OSBPL1A: variants seen among roughly 807,000 people sequenced by gnomAD.
The protein encoded by OSBPL1A is oxysterol binding protein like 1A.
OSBPL1A carries 80 observed loss-of-function variants against 137.1 expected under a neutral mutation model. That is an observed-to-expected ratio of 0.58 (90% CI 0.49 to 0.70). The LOEUF (loss-of-function observed/expected upper bound fraction) is 0.70, where lower values mean the gene tolerates loss of function less well. OSBPL1A is among the 30% of genes least tolerant of loss of function. The pLI, the probability that OSBPL1A is intolerant of heterozygous loss-of-function variation, is 0.00. For synonymous variants in OSBPL1A, 365 were observed against 389.7 expected, an observed-to-expected ratio of 0.94 and a Z score of 0.75; for missense variants, 970 against 1,129.4, an observed-to-expected ratio of 0.86 and a Z score of 2.02.
chr18:24,172,122 G>A (rs1288639075), intron 22 of OSBPL1A, among the ~76,000 whole-genome samples: 1 of 151,994 alleles, frequency 6.6e-6, no homozygotes, highest in Admixed American at 6.6e-5. Context: ...TGTATTTTTA[G>A]TAGAGACGGG....
chr18:24,284,511 A>G (rs2090030490), intron 14 of OSBPL1A, among the ~76,000 whole-genome samples: 1 of 152,220 alleles, frequency 6.6e-6, no homozygotes, highest in Non-Finnish European at 1.5e-5. Context: ...GTCATTTTTC[A>G]TGATTACGCT....
chr18:24,311,242 TGCC>T (rs1478164515), intron 13 of OSBPL1A, among the ~76,000 whole-genome samples: 1 of 152,220 alleles, frequency 6.6e-6, no homozygotes, highest in Non-Finnish European at 1.5e-5. Flanking sequence ...ATTCAAATCT[TGCC>T]GCCAACTCAT....
intron 4 of OSBPL1A, chr18:24,357,761 G>A (rs933256952): frequency 4.6e-5 from 7 of 152,174 alleles, no homozygotes; most frequent in African/African-American, 1.7e-4. Flanking sequence ...TAAAACTTAG[G>A]AAGAATTCAG....
chr18:24,171,353 C>T (rs866852016), intron 23 of OSBPL1A, 56 bp downstream of exon 23: 21 of 1,350,722 alleles, frequency 1.6e-5, no homozygotes, highest in Admixed American at 3.7e-5. Context: ...TTAATACCGA[C>T]ATTTTATCTA....
At chr18:24,246,067 G>A (rs896538498) in intron 15 of OSBPL1A, among the ~76,000 whole-genome samples, 1 of 151,656 alleles carries the variant, frequency 6.6e-6, no homozygotes, top group Non-Finnish European at 1.5e-5. Context: ...CAAAAATTAG[G>A]CAGGCGTGGT....
intron 15 of OSBPL1A, among the ~76,000 whole-genome samples, chr18:24,264,707 T>G (rs1483078564): frequency 1.3e-5 from 2 of 152,244 alleles, no homozygotes; most frequent in Non-Finnish European, 2.9e-5. Context: ...AAATGTGGCA[T>G]CCTTTGGTCA....
At position 24,167,427 on chromosome 18, in the gene OSBPL1A, A is replaced by T. The variant is rs150020920; in HGVS notation, c.2437T>A (p.Leu813Met). 8.4e-5 allele frequency: 135 copies of T among 1,614,032 alleles called. 1 individual carries two copies. The highest frequency in any genetic ancestry group is 1.1e-4 in the Non-Finnish European group (127 of 1,180,028). Residue 813 changes from leucine to methionine, a missense_variant, in exon 25 of 28, where the codon TTG becomes ATG. By Grantham distance (15) the Leu-to-Met change is conservative. Transcript: ENST00000319481. ...NSKQMSTSEE[L>M]DEMPVPDSES... Reference sequence around the variant, plus strand: ...GAATCCGGCACTGGCATTTCATCCAACTCCTCAGAGGTGCTCATCTAGAAA... The same window carrying T: ...GAATCCGGCACTGGCATTTCATCCATCTCCTCAGAGGTGCTCATCTAGAAA...
chr18:24,267,761 T>C (rs1034852610), intron 15 of OSBPL1A, among the ~76,000 whole-genome samples: 5 of 151,722 alleles, frequency 3.3e-5, no homozygotes, highest in African/African-American at 1.2e-4. Flanking sequence ...CAACAATATA[T>C]GAAAGGAAAC....
intron 4 of OSBPL1A, among the ~76,000 whole-genome samples, chr18:24,361,894 G>C (rs1404555048): frequency 6.6e-6 from 1 of 151,720 alleles, no homozygotes; most frequent in Non-Finnish European, 1.5e-5. Flanking sequence ...CTACTCAGGA[G>C]GCTGAGGCAG....
intron 14 of OSBPL1A, among the ~76,000 whole-genome samples, chr18:24,285,118 C>T (rs150412603): frequency 3.7e-4 from 56 of 152,290 alleles, no homozygotes; most frequent in African/African-American, 1.3e-3. Context: ...TGCTCCTGGA[C>T]TCCAACAGCG....
At chr18:24,336,490 T>C (rs1418194504) in intron 5 of OSBPL1A, among the ~76,000 whole-genome samples, 2 of 152,208 alleles carry the variant, frequency 1.3e-5, no homozygotes, top group African/African-American at 2.4e-5. Flanking sequence ...GCAATGTTGA[T>C]ATGGATGCTG....
intron 19 of OSBPL1A, among the ~76,000 whole-genome samples, chr18:24,180,486 T>TGTAC (rs2086575551): frequency 6.6e-6 from 1 of 151,840 alleles, no homozygotes; most frequent in South Asian, 2.1e-4. Flanking sequence ...TGTGTGTGTA[T>TGTAC]GTGTTAACTT....
intron 1 of OSBPL1A, among the ~76,000 whole-genome samples, chr18:24,385,448 G>A (rs538503658): frequency 3.9e-5 from 6 of 152,178 alleles, no homozygotes; most frequent in African/African-American, 1.2e-4. Context: ...CATATAAGTG[G>A]TCATTAAAAT....
chr18:24,328,919 A>G (rs2091027604), intron 7 of OSBPL1A, among the ~76,000 whole-genome samples: 1 of 152,156 alleles, frequency 6.6e-6, no homozygotes, highest in African/African-American at 2.4e-5. Flanking sequence ...ATTGCAATTG[A>G]TTTCACCTCT....
Position 24,259,806 on chromosome 18 carries a change from TA to T in OSBPL1A, c.1282-20425del, listed in dbSNP as rs371048579. 5.2e-3 allele frequency among the ~76,000 whole-genome samples: 781 copies of T among 150,878 alleles called. 7 individuals are homozygous for T. The highest frequency in any genetic ancestry group is 0.018 in the African/African-American group (745 of 41,232). ...TAATTTAGAGAAATTTCAGTTTAGT[TA>T]AAAAAAAATACACCGAAAGTACAAA... On this transcript the variant is annotated intron_variant, in intron 15 of 27. Coordinates refer to ENST00000319481, the MANE Select transcript of OSBPL1A (RefSeq NM_080597.4).
intron 17 of OSBPL1A, among the ~76,000 whole-genome samples, chr18:24,213,983 G>A (rs1478251728): frequency 1.3e-5 from 2 of 152,152 alleles, no homozygotes; most frequent in East Asian, 3.8e-4. Flanking sequence ...CTCTGAATCA[G>A]GCTTTTAGTT....
At chr18:24,368,241 C>A (rs1313937517) in intron 3 of OSBPL1A, 46 bp downstream of exon 3, 1 of 1,434,120 alleles carries the variant, frequency 7.0e-7, no homozygotes, top group Non-Finnish European at 9.7e-7. Context: ...ATTTCCATAA[C>A]AATAATATTT....
At chr18:24,386,279 G>C (rs1612939) in intron 1 of OSBPL1A, among the ~76,000 whole-genome samples, 66,146 of 151,962 alleles carry the variant, frequency 0.44, 14,723 homozygotes, top group African/African-American at 0.52. Context: ...AACAACTCAC[G>C]TTGCCTTGTG....
At position 24,324,284 on chromosome 18, in the gene OSBPL1A, C is replaced by T. The variant is rs1311279441; in HGVS notation, c.626-5475G>A. On this transcript the variant is annotated intron_variant, in intron 7 of 27. Coordinates refer to ENST00000319481, the MANE Select transcript of OSBPL1A (RefSeq NM_080597.4). ...GAGAACCTGTTCTGGGCCAACAATG[C>T]ACCACCAGGCTTTCCCAAGTGCACC... Among the ~76,000 whole-genome samples the T allele has an allele frequency of 5.4e-4, 35 of 64,728 alleles. 9 individuals carry two copies. Among genetic ancestry groups the T allele is most frequent in the African/African-American group, 3.1e-3 (35 of 11,392 alleles). 42.5% of individuals were successfully genotyped at this position (64,728 alleles called of 152,430 possible). A position where few individuals can be genotyped will look rare whatever the true frequency, so the allele number is the denominator to read the frequency against.
Sources: gnomAD v4.1 joint callset for allele counts (sites outside exome capture counted in the v4.1 genomes callset) on GRCh38, gnomAD v4.1.1 for gene constraint, MANE v1.5 for transcripts, NCBI Gene and HGNC (gene_info 2026-07-23, HGNC 2026-07-21) for gene names.